Variants in USP34 observed in about 807,000 individuals in gnomAD.
The protein encoded by USP34 is ubiquitin specific peptidase 34.
Under a neutral mutation model 460.3 loss-of-function variants are expected in USP34, and 70 were observed. That is an observed-to-expected ratio of 0.15 (90% confidence interval 0.13 to 0.19). USP34 has a LOEUF of 0.19. Ranked by LOEUF, USP34 falls within the 10% of genes least tolerant of loss-of-function variation. USP34 has a pLI of 1.00. For synonymous variants in USP34, 1,647 were observed against 1,405.3 expected, an observed-to-expected ratio of 1.17 and a Z score of -3.85; for missense variants, 3,985 against 4,236.2, an observed-to-expected ratio of 0.94 and a Z score of 1.65.
Position 61,283,135 on chromosome 2 carries a change from T to C in USP34, c.4998+10A>G. On this transcript the variant is annotated intron_variant, in intron 37 of 79. Coordinates refer to ENST00000398571, the MANE Select transcript of USP34 (RefSeq NM_014709.4). ...AAAATAACAGTACTAACCTTCAATCTTTATCTTACCTCAGGAATAAGGAGA... is the reference window on the plus strand; with the variant it reads ...AAAATAACAGTACTAACCTTCAATCCTTATCTTACCTCAGGAATAAGGAGA... 1 of 1,612,066 alleles carries C rather than the reference T, an allele frequency of 6.2e-7. No individual in the cohort carries two copies.
At chr2:61,210,124 T>A (rs955997342) in intron 69 of USP34, among the ~76,000 whole-genome samples, 1 of 150,266 alleles carries the variant, frequency 6.7e-6, no homozygotes, top group Non-Finnish European at 1.5e-5. Context: ...AAAAGTATTT[T>A]AAAATAAATT....
intron 18 of USP34, 59 bp from the exon 19 acceptor site, chr2:61,334,030 C>A (rs1385522788): frequency 1.0e-5 from 13 of 1,299,134 alleles, no homozygotes; most frequent in Non-Finnish European, 1.4e-5. Flanking sequence ...AGAAATTCAG[C>A]CATTTAAAAT....
At chr2:61,418,204 C>T (rs1694255166) in intron 2 of USP34, among the ~76,000 whole-genome samples, 2 of 151,794 alleles carry the variant, frequency 1.3e-5, no homozygotes, top group Non-Finnish European at 1.5e-5. Flanking sequence ...CTCAGCCTCC[C>T]GAGTAGCTGG....
intron 43 of USP34, among the ~76,000 whole-genome samples, chr2:61,263,003 T>C (rs148734624): frequency 6.5e-4 from 99 of 152,106 alleles, no homozygotes; most frequent in African/African-American, 2.3e-3. Flanking sequence ...TGTCTGTTCA[T>C]GTCCTTTGTC....
At chr2:61,204,034 TTTGAGGGGGAAAAAAA>T (rs949826647) in intron 74 of USP34, among the ~76,000 whole-genome samples, 1 of 152,140 alleles carries the variant, frequency 6.6e-6, no homozygotes, top group African/African-American at 2.4e-5. Context: ...TAAGGTAATT[TTTGAGGGGGAAAAAAA>T]ACTTACTACT....
chr2:61,230,706 C>G (rs773037028), intron 58 of USP34, among the ~76,000 whole-genome samples: 1 of 151,510 alleles, frequency 6.6e-6, no homozygotes, highest in Non-Finnish European at 1.5e-5. Context: ...TAGCTGGGCA[C>G]GGTGGTGCGC....
intron 5 of USP34, among the ~76,000 whole-genome samples, chr2:61,387,106 CA>C (rs879588406): frequency 6.6e-6 from 1 of 151,470 alleles, no homozygotes; most frequent in East Asian, 1.9e-4. Context: ...AGGTACTTCG[CA>C]AAAAAAATCC....
chr2:61,336,903 C>A (rs1691437144), intron 18 of USP34, among the ~76,000 whole-genome samples: 1 of 150,614 alleles, frequency 6.6e-6, no homozygotes, highest in African/African-American at 2.4e-5. Flanking sequence ...TTATTTCTTA[C>A]AATCTTTTCT....
chr2:61,212,792 G>C (rs1399455752), intron 68 of USP34, among the ~76,000 whole-genome samples: 1 of 151,940 alleles, frequency 6.6e-6, no homozygotes, highest in Non-Finnish European at 1.5e-5. Context: ...ATAACATGGA[G>C]GGATAAATTC....
At chr2:61,402,078 A>G (rs1263714240) in intron 3 of USP34, among the ~76,000 whole-genome samples, 1 of 151,704 alleles carries the variant, frequency 6.6e-6, no homozygotes, top group African/African-American at 2.4e-5. Flanking sequence ...TAAACCCCAT[A>G]AACACAGATA....
chr2:61,195,412 G>A (rs1242833175), intron 75 of USP34, among the ~76,000 whole-genome samples: 1 of 149,782 alleles, frequency 6.7e-6, no homozygotes, highest in Non-Finnish European at 1.5e-5. Context: ...AGTGGCTCAT[G>A]CCTGTAACCC....
intron 5 of USP34, among the ~76,000 whole-genome samples, chr2:61,386,678 T>A (rs1693155704): frequency 6.6e-6 from 1 of 152,070 alleles, no homozygotes; most frequent in South Asian, 2.1e-4. Context: ...CAGTCTCGGC[T>A]ACTTAGGAGA....
chr2:61,348,466 T>C lies in USP34; in HGVS notation c.1689A>G (p.Gly563=). 6.2e-7 allele frequency: 1 copy of C among 1,610,884 alleles called. No individual in the cohort carries two copies. Among genetic ancestry groups the C allele is most frequent in the Non-Finnish European group, 8.5e-7 (1 of 1,178,490 alleles). ...CACTGTTGGCAGTTTCGTCAGAACT[T>C]CCCTGCATGGATTCCTGTATTTTGA... ...RLSDTEESMQ[G]SSDETANSGE... is the part of the protein sequence containing the mutation. Residue 563 remains glycine, a synonymous_variant, in exon 15 of 80, where the codon GGA becomes GGG. Transcript: ENST00000398571.
At chr2:61,284,445 A>C (rs1037012286) in intron 35 of USP34, among the ~76,000 whole-genome samples, 1 of 152,222 alleles carries the variant, frequency 6.6e-6, no homozygotes, top group African/African-American at 2.4e-5. Context: ...CAATACATTT[A>C]GTTGATCCTG....
At chr2:61,259,901 A>T in intron 43 of USP34, 125 bp from the exon 44 acceptor site, 1 of 715,778 alleles carries the variant, frequency 1.4e-6, no homozygotes, top group Non-Finnish European at 2.2e-6. Context: ...TATAAAAGAA[A>T]AACACCAACA....
At chr2:61,406,191 T>C in intron 2 of USP34, 63 bp from the exon 3 acceptor site, 5 of 1,346,896 alleles carry the variant, frequency 3.7e-6, no homozygotes, top group Middle Eastern at 2.4e-4. Flanking sequence ...TTTAATAATA[T>C]AAAAAAACAA....
chr2:61,295,087 G>A (rs1024945395), intron 31 of USP34, 55 bp from the exon 32 acceptor site: 4 of 1,599,988 alleles, frequency 2.5e-6, no homozygotes, highest in Non-Finnish European at 8.5e-7. Context: ...AATTATTATA[G>A]AATGGAAAAG....
chr2:61,203,025 A>G, intron 75 of USP34, 115 bp downstream of exon 75: 1 of 1,091,816 alleles, frequency 9.2e-7, no homozygotes, highest in South Asian at 2.1e-5. Context: ...AATATTTTTA[A>G]GCATTCACTT....
In USP34 at chr2:61,378,935, A is replaced by C. The variant is rs532736127; in HGVS notation, c.1015-511T>G. On this transcript the variant is annotated intron_variant, in intron 7 of 79. Transcript: ENST00000398571. ...AACGAAAAAAAAAAAAAAAAAAAAA[A>C]AACAACACTAAATTCATTCCACAAA... is the stretch of plus-strand genomic sequence containing the variant. 9.2e-3 allele frequency among the ~76,000 whole-genome samples: 1,352 copies of C among 146,180 alleles called. 3 individuals carry two copies. The highest frequency in any genetic ancestry group is 0.015 in the Non-Finnish European group (1,007 of 66,140).
Sources: gnomAD v4.1 joint callset for allele counts (sites outside exome capture counted in the v4.1 genomes callset) on GRCh38, gnomAD v4.1.1 for gene constraint, MANE v1.5 for transcripts, NCBI Gene and HGNC (gene_info 2026-07-23, HGNC 2026-07-21) for gene names.